The following VEPH1 variants were observed in gnomAD, a reference collection of about 807,000 sequenced individuals.
VEPH1 encodes ventricular zone expressed PH domain containing 1.
In VEPH1, 80 loss-of-function variants were observed where a neutral mutation model predicts 85.2. The observed-to-expected ratio is 0.94, with a 90% confidence interval of 0.78 to 1.13. The LOEUF (loss-of-function observed/expected upper bound fraction) is 1.13, where lower values mean the gene tolerates loss of function less well. Among genes scored for constraint, VEPH1 ranks in the 50% most tolerant of loss-of-function variants. The pLI, the probability that VEPH1 is intolerant of heterozygous loss-of-function variation, is 0.00. For synonymous variants in VEPH1, 297 were observed against 348.0 expected, an observed-to-expected ratio of 0.85 and a Z score of 1.63; for missense variants, 955 against 980.5, an observed-to-expected ratio of 0.97 and a Z score of 0.35.
chr3:157,404,655 A>G (rs35043399), intron 6 of VEPH1, among the ~76,000 whole-genome samples: 6,257 of 152,302 alleles, frequency 0.041, 219 homozygotes, highest in South Asian at 0.16. Context: ...TTTACAAAAC[A>G]CCAACTCCCA....
At chr3:157,413,057 T>C (rs970422759) in intron 6 of VEPH1, among the ~76,000 whole-genome samples, 5 of 152,128 alleles carry the variant, frequency 3.3e-5, no homozygotes, top group East Asian at 3.9e-4. Flanking sequence ...CTTTTAAAAG[T>C]TGGACAATTT....
At chr3:157,318,531 C>T (rs1390820978) in intron 9 of VEPH1, among the ~76,000 whole-genome samples, 1 of 151,830 alleles carries the variant, frequency 6.6e-6, no homozygotes, top group Non-Finnish European at 1.5e-5. Flanking sequence ...GGCTTGAGCC[C>T]AGGAGGTGGA....
chr3:157,297,728 G>A (rs1372683896), intron 11 of VEPH1, among the ~76,000 whole-genome samples: 1 of 152,116 alleles, frequency 6.6e-6, no homozygotes, highest in Non-Finnish European at 1.5e-5. Flanking sequence ...GTAATGAGTT[G>A]TGTAGAAAGG....
chr3:157,333,216 A>G (rs905244402), intron 9 of VEPH1, among the ~76,000 whole-genome samples: 1 of 152,154 alleles, frequency 6.6e-6, no homozygotes, highest in Non-Finnish European at 1.5e-5. Context: ...TCTCCAGTGA[A>G]TTTTTGGTAT....
At chr3:157,368,303 A>G (rs1726959367) in intron 7 of VEPH1, among the ~76,000 whole-genome samples, 1 of 152,186 alleles carries the variant, frequency 6.6e-6, no homozygotes, top group Admixed American at 6.5e-5. Flanking sequence ...TCAGAGCTTT[A>G]GTAGCTGGAA....
chr3:157,400,702 A>G (rs1312071100), intron 6 of VEPH1, among the ~76,000 whole-genome samples: 1 of 152,088 alleles, frequency 6.6e-6, no homozygotes. Context: ...TTGTGCTAAG[A>G]GTTTATTTTC....
intron 2 of VEPH1, among the ~76,000 whole-genome samples, chr3:157,482,441 G>C (rs1227416646): frequency 6.6e-6 from 1 of 152,144 alleles, no homozygotes; most frequent in Non-Finnish European, 1.5e-5. Flanking sequence ...GGCCAGGCTG[G>C]TCTCAAACTG....
At chr3:157,503,473 T>A (rs1449604872), upstream of VEPH1, 1 of 152,210 alleles carries the variant, frequency 6.6e-6, no homozygotes, top group African/African-American at 2.4e-5. Flanking sequence ...TGACTCACCG[T>A]GCGGAATCAG....
chr3:157,488,258 T>C (rs1738841841), intron 2 of VEPH1, among the ~76,000 whole-genome samples: 1 of 152,140 alleles, frequency 6.6e-6, no homozygotes, highest in Non-Finnish European at 1.5e-5. Context: ...GCTCATTTTC[T>C]TCAATTCTCT....
rs746852317 is a variant in VEPH1 at position 157,437,628 on chromosome 3, G to A, written c.530-9140C>T. 10 of 1,556,852 alleles carry A rather than the reference G, an allele frequency of 6.4e-6. No individual in the cohort carries two copies. In the South Asian group the frequency reaches 9.5e-5, roughly 15 times the overall value. On this transcript the variant is annotated intron_variant, in intron 4 of 13. Transcript: ENST00000362010. ...TGCAAGCCACGGACGACGTCCTGCG[G>A]GGCGAGCTGCAGAGGCTGCGGGAGG...
chr3:157,344,317 A>G (rs562796617), intron 9 of VEPH1, among the ~76,000 whole-genome samples: 93 of 152,354 alleles, frequency 6.1e-4, no homozygotes, highest in African/African-American at 2.2e-3. Context: ...GCTGATAAGC[A>G]ACTTCAGCAA....
At chr3:157,477,823 G>A (rs892512503) in intron 2 of VEPH1, among the ~76,000 whole-genome samples, 1 of 152,118 alleles carries the variant, frequency 6.6e-6, no homozygotes, top group East Asian at 1.9e-4. Context: ...TGCTGGGCCC[G>A]AAGAATGGCA....
intron 4 of VEPH1, among the ~76,000 whole-genome samples, chr3:157,449,650 A>C (rs1734810519): frequency 6.6e-6 from 1 of 152,162 alleles, no homozygotes; most frequent in Non-Finnish European, 1.5e-5. Flanking sequence ...TCCTTCTGTG[A>C]AACTGTCTTG....
chr3:157,459,463 C>T (rs904547401), intron 4 of VEPH1: 1 of 361,902 alleles, frequency 2.8e-6, no homozygotes, highest in African/African-American at 2.2e-5. Flanking sequence ...AAACTGTGGG[C>T]TGAGATACTC....
chr3:157,299,571 A>G (rs945042231), intron 11 of VEPH1, among the ~76,000 whole-genome samples: 1 of 150,992 alleles, frequency 6.6e-6, no homozygotes, highest in East Asian at 2.0e-4. Flanking sequence ...AAAAAAAAAA[A>G]AAAAAAAAAG....
chr3:157,356,753 C>T (rs1260756933), intron 9 of VEPH1, among the ~76,000 whole-genome samples: 5 of 152,156 alleles, frequency 3.3e-5, no homozygotes. Flanking sequence ...CCCTACAGGG[C>T]ATATACTGCC....
At chr3:157,381,452 C>A in intron 6 of VEPH1, 76 bp from the exon 7 acceptor site, 1 of 1,486,954 alleles carries the variant, frequency 6.7e-7, no homozygotes, top group African/African-American at 1.4e-5. Context: ...TGCCTGTAAT[C>A]CCAGCACTTT....
chr3:157,442,797 G>A (rs905077411), intron 4 of VEPH1: 2 of 1,614,108 alleles, frequency 1.2e-6, no homozygotes, highest in African/African-American at 2.7e-5. Context: ...TGTGGGTGGT[G>A]GCTTTGATGA....
intron 8 of VEPH1, 102 bp from the exon 9 acceptor site, chr3:157,363,863 A>C: frequency 7.4e-7 from 1 of 1,351,988 alleles, no homozygotes; most frequent in Non-Finnish European, 1.0e-6. Context: ...CTTCCTCTGG[A>C]GTGTGAAACT....
Sources: allele counts gnomAD v4.1 joint callset (sites outside exome capture counted in the v4.1 genomes callset), GRCh38; gene constraint gnomAD v4.1.1; transcripts MANE v1.5; gene names NCBI Gene and HGNC (gene_info 2026-07-23, HGNC 2026-07-21).